FOCAD: variants seen among roughly 807,000 people sequenced by gnomAD.
FOCAD encodes focadhesin, also known as KIAA1797.
FOCAD carries 198 observed loss-of-function variants against 225.6 expected under a neutral mutation model. The observed-to-expected ratio is 0.88, with a 90% confidence interval of 0.78 to 0.99. The LOEUF (loss-of-function observed/expected upper bound fraction) is 0.99, where lower values mean the gene tolerates loss of function less well. Ranked by LOEUF, FOCAD falls within the 50% of genes least tolerant of loss-of-function variation. The probability of loss-of-function intolerance (pLI) is 0.00; values close to 1 mark genes in which losing one functional copy is unlikely to be tolerated. For missense variants in FOCAD, 2,713 were observed against 2,123.6 expected (o/e 1.28, Z -5.46); for synonymous variants, 897 against 755.0 (o/e 1.19, Z -3.08).
chr9:20,805,785 C>T (rs535573246), intron 11 of FOCAD, among the ~76,000 whole-genome samples: 8 of 152,174 alleles, frequency 5.3e-5, no homozygotes, highest in South Asian at 2.1e-4. Flanking sequence ...AAAGGGGATA[C>T]GTTGTCAGAA....
At chr9:20,753,510 C>G (rs1828759964) in intron 5 of FOCAD, among the ~76,000 whole-genome samples, 1 of 151,782 alleles carries the variant, frequency 6.6e-6, no homozygotes, top group South Asian at 2.1e-4. Flanking sequence ...GGGATGAAGC[C>G]CACTTGATCA....
intron 11 of FOCAD, among the ~76,000 whole-genome samples, chr9:20,795,514 G>A (rs1252902644): frequency 6.6e-6 from 1 of 150,920 alleles, no homozygotes; most frequent in Non-Finnish European, 1.5e-5. Flanking sequence ...GGCCGGGCAC[G>A]CTGGCTCATG....
chr9:20,844,838 G>T (rs1426491983), intron 15 of FOCAD, among the ~76,000 whole-genome samples: 1 of 152,028 alleles, frequency 6.6e-6, no homozygotes. Context: ...TTAATGTGAT[G>T]GGTTTATTGA....
intron 33 of FOCAD, 75 bp from the exon 34 acceptor site, chr9:20,950,919 ACT>A (rs1365543970): frequency 1.6e-6 from 2 of 1,252,706 alleles, no homozygotes; most frequent in African/African-American, 3.0e-5. Flanking sequence ...ATGACTGGTG[ACT>A]TTCTGTGAGT....
intron 28 of FOCAD, among the ~76,000 whole-genome samples, chr9:20,938,803 G>A (rs1836304220): frequency 6.6e-6 from 1 of 151,848 alleles, no homozygotes; most frequent in Admixed American, 6.6e-5. Flanking sequence ...TATATATTAT[G>A]TACATGAACT....
At chr9:20,969,884 A>G (rs938114063) in intron 35 of FOCAD, among the ~76,000 whole-genome samples, 8 of 151,850 alleles carry the variant, frequency 5.3e-5, no homozygotes, top group Admixed American at 1.3e-4. Flanking sequence ...CTCGTAGGGC[A>G]TGTCTATGGG....
intron 35 of FOCAD, among the ~76,000 whole-genome samples, chr9:20,971,227 A>G (rs1247206464): frequency 6.6e-6 from 1 of 152,162 alleles, no homozygotes; most frequent in Non-Finnish European, 1.5e-5. Context: ...TGCCTATATC[A>G]AAATATCTCA....
At chr9:20,892,442 A>G (rs907813795) in intron 21 of FOCAD, among the ~76,000 whole-genome samples, 3 of 152,186 alleles carry the variant, frequency 2.0e-5, no homozygotes, top group East Asian at 1.9e-4. Context: ...CAAGATATCA[A>G]TGTTAACCAG....
chr9:20,779,714 C>T (rs1353336783), intron 9 of FOCAD, among the ~76,000 whole-genome samples: 1 of 151,564 alleles, frequency 6.6e-6, no homozygotes, highest in Admixed American at 6.6e-5. Context: ...CGCGCCATTG[C>T]ACTCCAGCTT....
At chr9:20,768,826 A>G (rs997277694) in intron 7 of FOCAD, among the ~76,000 whole-genome samples, 2 of 152,012 alleles carry the variant, frequency 1.3e-5, no homozygotes, top group African/African-American at 4.8e-5. Flanking sequence ...TTGTCACCTC[A>G]CATATTACCT....
chr9:20,821,996 TAAAAAAAAAAAAA>T (rs58640962), intron 14 of FOCAD, among the ~76,000 whole-genome samples: 1 of 49,300 alleles, frequency 2.0e-5, no homozygotes, highest in African/African-American at 7.9e-5. Flanking sequence ...TAAAAGTTAC[TAAAAAAAAAAAAA>T]AAAAAAAAAA....
chr9:20,841,586 C>T (rs1826532592), intron 15 of FOCAD, among the ~76,000 whole-genome samples: 1 of 151,832 alleles, frequency 6.6e-6, no homozygotes, highest in Non-Finnish European at 1.5e-5. Context: ...CTTTGAATTT[C>T]TGCAGTATTA....
At chr9:20,937,121 A>G (rs1372064875) in intron 28 of FOCAD, among the ~76,000 whole-genome samples, 1 of 150,878 alleles carries the variant, frequency 6.6e-6, no homozygotes, top group East Asian at 1.9e-4. Flanking sequence ...CATGGGTAGG[A>G]AGAATCAATA....
At chr9:20,985,174 T>G (rs1456445953) in intron 39 of FOCAD, among the ~76,000 whole-genome samples, 2 of 152,356 alleles carry the variant, frequency 1.3e-5, no homozygotes, top group Admixed American at 6.5e-5. Context: ...TCATATACTT[T>G]GTTACATTAA....
intron 37 of FOCAD, among the ~76,000 whole-genome samples, chr9:20,979,345 G>T (rs556060756): frequency 2.0e-4 from 30 of 152,074 alleles, no homozygotes; most frequent in African/African-American, 7.0e-4. Flanking sequence ...CTGTTTTTTT[G>T]TTGTTGTTTT....
chr9:20,708,211 G>T (rs1824547705), intron 1 of FOCAD, among the ~76,000 whole-genome samples: 1 of 152,026 alleles, frequency 6.6e-6, no homozygotes, highest in African/African-American at 2.4e-5. Flanking sequence ...CAACAAGTAA[G>T]AAAAAAGATA....
chr9:20,873,354 G>T (rs1829961257), intron 18 of FOCAD, among the ~76,000 whole-genome samples: 1 of 152,132 alleles, frequency 6.6e-6, no homozygotes, highest in African/African-American at 2.4e-5. Context: ...CTCTCAAGGA[G>T]AGTAAACCTG....
intron 7 of FOCAD, 152 bp from the exon 8 acceptor site, chr9:20,769,880 A>G (rs1818012700): frequency 1.5e-6 from 1 of 653,926 alleles, no homozygotes; most frequent in Non-Finnish European, 2.6e-6. Context: ...TGTATAGTTA[A>G]TCCTTCATGG....
At chr9:20,922,348 G>GT (rs1554725815) in intron 24 of FOCAD, among the ~76,000 whole-genome samples, 3 of 151,694 alleles carry the variant, frequency 2.0e-5, no homozygotes, top group Non-Finnish European at 4.4e-5. Context: ...AGGTGGGGGG[G>GT]TGGTGGTGAA....
Sources: allele counts gnomAD v4.1 joint callset (sites outside exome capture counted in the v4.1 genomes callset), GRCh38; gene constraint gnomAD v4.1.1; transcripts MANE v1.5; gene names NCBI Gene and HGNC (gene_info 2026-07-23, HGNC 2026-07-21).